PPM1L: variants seen among roughly 807,000 people sequenced by gnomAD.
PPM1L encodes protein phosphatase, Mg2+/Mn2+ dependent 1L, also known as protein phosphatase 1L.
PPM1L carries 13 observed loss-of-function variants against 31.4 expected under a neutral mutation model. The observed-to-expected ratio is 0.41, with a 90% CI of 0.27 to 0.66. The LOEUF (loss-of-function observed/expected upper bound fraction) is 0.66, where lower values mean the gene tolerates loss of function less well. Ranked by LOEUF, PPM1L falls within the 30% of genes least tolerant of loss-of-function variation. The probability of loss-of-function intolerance (pLI) is 0.29; values close to 1 mark genes in which losing one functional copy is unlikely to be tolerated. For missense variants in PPM1L, 326 were observed against 453.7 expected, an observed-to-expected ratio of 0.72 and a Z score of 2.56; for synonymous variants, 184 against 175.4, an observed-to-expected ratio of 1.05 and a Z score of -0.39.
chr3:160,924,663 G>A (rs906825197), intron 1 of PPM1L, among the ~76,000 whole-genome samples: 1 of 152,142 alleles, frequency 6.6e-6, no homozygotes, highest in Non-Finnish European at 1.5e-5. Context: ...CTATTTCAAG[G>A]CTTGATAGAG....
chr3:160,845,157 T>C (rs551384955), intron 1 of PPM1L, among the ~76,000 whole-genome samples: 1 of 152,254 alleles, frequency 6.6e-6, no homozygotes, highest in African/African-American at 2.4e-5. Flanking sequence ...CATTAGTTTA[T>C]GGACATTTGA....
At chr3:160,978,436 C>A (rs1716678415) in intron 2 of PPM1L, among the ~76,000 whole-genome samples, 1 of 152,122 alleles carries the variant, frequency 6.6e-6, no homozygotes, top group Non-Finnish European at 1.5e-5. Context: ...TGAAATGGTG[C>A]CCAGGAGATG....
chr3:160,835,149 C>CA lies in PPM1L; in HGVS notation c.399+78442_399+78443insA, dbSNP rs1553810740. 1.4e-4 allele frequency among the ~76,000 whole-genome samples: 7 copies of CA among 50,642 alleles called. No individual in the cohort carries two copies. In the East Asian group the frequency reaches 2.0e-3, roughly 14 times the overall value. 33.2% of individuals were successfully genotyped at this position (50,642 alleles called of 152,430 possible). A position where few individuals can be genotyped will look rare whatever the true frequency, so the allele number is the denominator to read the frequency against. On this transcript the variant is annotated intron_variant, in intron 1 of 3. Transcript: ENST00000498165. ...CTTTCTTCCTTCTTCCTTTTTCTTC[C>CA]TTTTTTTTTTTTTTTTTTTTCAGAA... is the stretch of plus-strand genomic sequence containing the variant.
intron 2 of PPM1L, among the ~76,000 whole-genome samples, chr3:160,974,773 C>T (rs1208482754): frequency 7.0e-6 from 1 of 143,172 alleles, no homozygotes; most frequent in Non-Finnish European, 1.5e-5. Context: ...TGGATATTAG[C>T]CCTTTGTCAG....
chr3:160,833,624 G>T (rs550415302), intron 1 of PPM1L, among the ~76,000 whole-genome samples: 30 of 150,666 alleles, frequency 2.0e-4, no homozygotes, highest in African/African-American at 5.1e-4. Flanking sequence ...TTTTAATGGG[G>T]TTTTTTTTTC....
At chr3:160,780,627 G>T (rs1711714868) in intron 1 of PPM1L, among the ~76,000 whole-genome samples, 1 of 152,186 alleles carries the variant, frequency 6.6e-6, no homozygotes, top group Admixed American at 6.5e-5. Flanking sequence ...CAGAAGTAAA[G>T]AAATAGCATG....
At chr3:161,044,251 AC>A (rs1471316204) in intron 2 of PPM1L, among the ~76,000 whole-genome samples, 10 of 151,830 alleles carry the variant, frequency 6.6e-5, no homozygotes, top group Admixed American at 5.3e-4. Context: ...TGTTGGCCAG[AC>A]TGGTCTTGAA....
At chr3:160,816,043 A>G (rs1560115343) in intron 1 of PPM1L, among the ~76,000 whole-genome samples, 1 of 152,188 alleles carries the variant, frequency 6.6e-6, no homozygotes, top group Admixed American at 6.6e-5. Flanking sequence ...TTGCACAAAT[A>G]TACCATCAGC....
intron 1 of PPM1L, among the ~76,000 whole-genome samples, chr3:160,885,594 G>C (rs1351572999): frequency 6.6e-6 from 1 of 152,100 alleles, no homozygotes; most frequent in South Asian, 2.1e-4. Flanking sequence ...ACAGTGTGGT[G>C]TGGTGGCCCA....
At chr3:160,942,018 G>A (rs893266253) in intron 1 of PPM1L, among the ~76,000 whole-genome samples, 6 of 152,140 alleles carry the variant, frequency 3.9e-5, no homozygotes, top group African/African-American at 1.2e-4. Flanking sequence ...GGACAACCAC[G>A]CTTACTACTT....
intron 1 of PPM1L, among the ~76,000 whole-genome samples, chr3:160,795,359 G>T (rs1281188562): frequency 6.6e-6 from 1 of 152,136 alleles, no homozygotes; most frequent in Non-Finnish European, 1.5e-5. Flanking sequence ...CTTGTGTACT[G>T]TAGGACATCC....
chr3:160,920,089 A>G (rs1406771920), intron 1 of PPM1L, among the ~76,000 whole-genome samples: 1 of 151,938 alleles, frequency 6.6e-6, no homozygotes, highest in Non-Finnish European at 1.5e-5. Context: ...CCACTTTACC[A>G]CGTCTGAAAT....
At chr3:161,001,225 A>AAAC (rs925174336) in intron 2 of PPM1L, among the ~76,000 whole-genome samples, 3 of 152,162 alleles carry the variant, frequency 2.0e-5, no homozygotes, top group Non-Finnish European at 4.4e-5. Flanking sequence ...CAAAAAACAA[A>AAAC]AACAACAACA....
intron 1 of PPM1L, among the ~76,000 whole-genome samples, chr3:160,769,452 G>A (rs2108059849): frequency 6.6e-6 from 1 of 152,182 alleles, no homozygotes; most frequent in African/African-American, 2.4e-5. Context: ...ACATAAATTT[G>A]GTATTTTAGG....
intron 1 of PPM1L, among the ~76,000 whole-genome samples, chr3:160,914,704 C>A (rs181116925): frequency 6.6e-6 from 1 of 152,066 alleles, no homozygotes; most frequent in Non-Finnish European, 1.5e-5. Flanking sequence ...GGACATTTGG[C>A]TTGGTTCCAA....
intron 1 of PPM1L, among the ~76,000 whole-genome samples, chr3:160,884,503 A>G (rs1712841791): frequency 6.6e-6 from 1 of 152,232 alleles, no homozygotes; most frequent in Non-Finnish European, 1.5e-5. Flanking sequence ...ATGTGCTGTA[A>G]GGGACCCAGT....
At chr3:160,896,492 T>C (rs1482553115) in intron 1 of PPM1L, among the ~76,000 whole-genome samples, 1 of 152,182 alleles carries the variant, frequency 6.6e-6, no homozygotes, top group African/African-American at 2.4e-5. Context: ...AGGAAGTTTA[T>C]TCACTTACTC....
rs149656749 is a variant in PPM1L, at chr3:160,790,887, G to A, written c.399+34180G>A. Among the ~76,000 whole-genome samples the A allele has an allele frequency of 7.5e-3, 1,136 of 152,216 alleles. 11 individuals are homozygous for A. The highest frequency in any genetic ancestry group is 0.026 in the African/African-American group (1,099 of 41,534). On this transcript the variant is annotated intron_variant, in intron 1 of 3. Coordinates refer to ENST00000498165, the MANE Select transcript of PPM1L (RefSeq NM_139245.4). Reference sequence around the variant, plus strand: ...AAAGTATGTATGTTTGACGTGGGAAGGAAATTGTTGAGGATTATGTTAGTC... The same window carrying A: ...AAAGTATGTATGTTTGACGTGGGAAAGAAATTGTTGAGGATTATGTTAGTC...
chr3:161,048,971 C>T (rs1439141616), intron 2 of PPM1L, among the ~76,000 whole-genome samples: 1 of 150,850 alleles, frequency 6.6e-6, no homozygotes, highest in Non-Finnish European at 1.5e-5. Flanking sequence ...ATGAGATATA[C>T]CTAATGTAAA....
Sources: gnomAD v4.1 joint callset for allele counts (sites outside exome capture counted in the v4.1 genomes callset) on GRCh38, gnomAD v4.1.1 for gene constraint, MANE v1.5 for transcripts, NCBI Gene and HGNC (gene_info 2026-07-23, HGNC 2026-07-21) for gene names.